Variants in TMPRSS4 observed in about 807,000 individuals in gnomAD.
TMPRSS4 encodes the protein transmembrane protease serine 4.
In TMPRSS4, 45 loss-of-function variants were observed where a neutral mutation model predicts 56.4. The ratio of observed to expected loss-of-function variants is 0.80; its 90% CI spans 0.63 to 1.02. The LOEUF (loss-of-function observed/expected upper bound fraction) is 1.02, where lower values mean the gene tolerates loss of function less well. TMPRSS4 is among the 50% of genes least tolerant of loss of function. The pLI is 0.00. For synonymous variants in TMPRSS4, 205 were observed against 211.0 expected (o/e 0.97, Z 0.25); for missense variants, 546 against 556.7 (o/e 0.98, Z 0.19).
rs1946905625 is a variant in TMPRSS4, at chr11:118,104,776, A to C, written c.396A>C (p.Thr132=). The C allele has an allele frequency of 1.2e-6, 2 of 1,613,764 alleles. No homozygotes were observed. Among genetic ancestry groups the C allele is most frequent in the East Asian group, 4.5e-5 (2 of 44,840 alleles). Residue 132 remains threonine (T), a synonymous_variant, in exon 5 of 13, where the codon ACA becomes ACC. Coordinates refer to ENST00000437212, the MANE Select transcript of TMPRSS4 (RefSeq NM_019894.4). ...TCTCTGCCTGTTTCGACAACTTCACAGAAGCTCTCGCTGAGACAGCCTGTA... is the reference window on the plus strand; with the variant it reads ...TCTCTGCCTGTTTCGACAACTTCACCGAAGCTCTCGCTGAGACAGCCTGTA... The part of the protein sequence containing the change: ...NWFSACFDNF[T]EALAETACRQ...
chr11:118,087,011 T>A (rs901929745), intron 1 of TMPRSS4: 3 of 143,238 alleles, frequency 2.1e-5, no homozygotes, highest in African/African-American at 7.9e-5. Flanking sequence ...CTCCCTTGGG[T>A]TTTCCCCACT....
rs78461491 is a variant in TMPRSS4 at position 118,094,194 on chromosome 11, G to A, written c.4-622G>A. Among the ~76,000 whole-genome samples the A allele has an allele frequency of 3.9e-3, 591 of 152,246 alleles. 7 individuals are homozygous for A. In the East Asian group the frequency reaches 0.053, roughly 14 times the overall value. The stretch of plus-strand genomic sequence containing the variant: ...TCAGAGAATCATAAAATACTTGTAC[G>A]TTTAGCATTAGTGGATTCAGCCAAA... On this transcript the variant is annotated intron_variant, in intron 1 of 12. Transcript: ENST00000437212.
intron 1 of TMPRSS4, among the ~76,000 whole-genome samples, chr11:118,093,825 C>CG (rs1555083613): frequency 2.7e-4 from 41 of 151,284 alleles, no homozygotes; most frequent in Non-Finnish European, 5.2e-4. Flanking sequence ...ACTGCCCCCC[C>CG]CAATGGTAAC....
rs771247188 is a variant in TMPRSS4, at chr11:118,115,209, G to A, written c.1081G>A (p.Ala361Thr). ...CAGCACACGGTGCAATGCAGACGAT[G>A]CGTACCAGGGGGAAGTCACCGAGAA... ...IDSTRCNADD[A>T]YQGEVTEKMM... Residue 361 changes from alanine to threonine, a missense_variant, in exon 11 of 13, where the codon GCG becomes ACG. Ala to Thr is a moderately conservative substitution (Grantham distance 58, BLOSUM62 0). Coordinates refer to ENST00000437212, the MANE Select transcript of TMPRSS4 (RefSeq NM_019894.4). The A allele has an allele frequency of 6.2e-7, 1 of 1,613,042 alleles. No homozygotes were observed. Among genetic ancestry groups the A allele is most frequent in the East Asian group, 2.2e-5 (1 of 44,876 alleles).
At chr11:118,123,757 C>A (rs1414872023), downstream of TMPRSS4, among the ~76,000 whole-genome samples, 2 of 152,072 alleles carry the variant, frequency 1.3e-5, no homozygotes, top group Non-Finnish European at 2.9e-5. Context: ...ATCTCCTGAC[C>A]TCGTGATCCG....
rs1338116442 is a variant in TMPRSS4, at chr11:118,121,794, T to G, written c.*3881T>G. The G allele has an allele frequency of 6.6e-6, 1 of 152,188 alleles. No homozygotes were observed. Among genetic ancestry groups the G allele is most frequent in the African/African-American group, 2.4e-5 (1 of 41,438 alleles). 9.4% of individuals were successfully genotyped at this position (152,188 alleles called of 1,614,324 possible). A position where few individuals can be genotyped will look rare whatever the true frequency, so the allele number is the denominator to read the frequency against. On this transcript the variant is annotated 3_prime_UTR_variant, in exon 13 of 13. Transcript: ENST00000437212. Reference sequence around the variant, plus strand: ...AATATAATACTAGCTAGTTAAAATTTGACCAAGAAGTTTCCATTGTGGGTT... The same window carrying G: ...AATATAATACTAGCTAGTTAAAATTGGACCAAGAAGTTTCCATTGTGGGTT...
chr11:118,079,483 C>T (rs891403667), intron 1 of TMPRSS4, among the ~76,000 whole-genome samples: 1 of 152,164 alleles, frequency 6.6e-6, no homozygotes, highest in Non-Finnish European at 1.5e-5. Context: ...GCCCTGTCCC[C>T]GAAGGAAATG....
intron 1 of TMPRSS4, among the ~76,000 whole-genome samples, chr11:118,083,387 C>T (rs546429644): frequency 6.6e-6 from 1 of 152,288 alleles, no homozygotes; most frequent in South Asian, 2.1e-4. Flanking sequence ...GACATCACCT[C>T]CGGTCCCAAC....
At chr11:118,090,030 A>C (rs1166416779) in intron 1 of TMPRSS4, among the ~76,000 whole-genome samples, 1 of 152,054 alleles carries the variant, frequency 6.6e-6, no homozygotes, top group Non-Finnish European at 1.5e-5. Context: ...TTTTTAGTAG[A>C]GACAGGGTTT....
chr11:118,119,041 G>A lies in TMPRSS4; in HGVS notation c.*1128G>A. On this transcript the variant is annotated 3_prime_UTR_variant, in exon 13 of 13. Coordinates refer to ENST00000437212, the MANE Select transcript of TMPRSS4 (RefSeq NM_019894.4). ...GTTTTCTGAGGACTGTCTTGCTATA[G>A]TTAAGTCAGATCCTAGATGAAATAT... 3 of 985,394 alleles carry A rather than the reference G, an allele frequency of 3.0e-6. No homozygotes were observed. Among genetic ancestry groups the A allele is most frequent in the Non-Finnish European group, 3.6e-6 (3 of 829,932 alleles). 61.0% of individuals were successfully genotyped at this position (985,394 alleles called of 1,614,324 possible).
Position 118,099,056 on chromosome 11 carries a change from G to A in TMPRSS4, c.115G>A (p.Ala39Thr), listed in dbSNP as rs769189268. 6 of 1,613,906 alleles carry A rather than the reference G, an allele frequency of 3.7e-6. No individual in the cohort carries two copies. The highest frequency in any genetic ancestry group is 2.7e-5 in the African/African-American group (2 of 74,950). The change falls in exon 3 of 13, where the codon GCA becomes ACA. Residue 39 changes from alanine (A) to threonine (T), a missense_variant. Physicochemically the swap from Ala to Thr is moderately conservative, Grantham distance 58 (BLOSUM62 0). Transcript: ENST00000437212. ...FRKVGIPIII[A>T]LLSLASIIIV... ...AAAGGTGGGGATCCCCATCATCATA[G>A]CACTACTGAGCCTGGCGAGTATCAT... is the stretch of plus-strand genomic sequence containing the variant.
chr11:118,086,664 C>G (rs930949397), intron 1 of TMPRSS4: 1 of 152,966 alleles, frequency 6.5e-6, no homozygotes, highest in Non-Finnish European at 1.5e-5. Flanking sequence ...CTCTGGGCTG[C>G]TGCATCACCA....
intron 1 of TMPRSS4, among the ~76,000 whole-genome samples, chr11:118,089,334 G>T (rs766478609): frequency 9.9e-5 from 15 of 152,184 alleles, no homozygotes; most frequent in Non-Finnish European, 2.1e-4. Flanking sequence ...AACAGTAAGG[G>T]CAGAGCATGG....
At chr11:118,105,411 A>T (rs1273836656) in intron 5 of TMPRSS4, among the ~76,000 whole-genome samples, 1 of 151,900 alleles carries the variant, frequency 6.6e-6, no homozygotes, top group Non-Finnish European at 1.5e-5. Context: ...AACCAAAAAG[A>T]TAGTTATTAT....
intron 8 of TMPRSS4, among the ~76,000 whole-genome samples, chr11:118,112,292 T>C (rs985758939): frequency 1.3e-5 from 2 of 150,516 alleles, no homozygotes; most frequent in Non-Finnish European, 2.9e-5. Flanking sequence ...CTGGAAACTT[T>C]AAAAAAATTA....
chr11:118,107,445 A>G, intron 5 of TMPRSS4: 1 of 190,076 alleles, frequency 5.3e-6, no homozygotes, highest in Non-Finnish European at 1.1e-5. Flanking sequence ...TTGCTGGGAT[A>G]TTTGAAATAG....
chr11:118,088,224 G>A (rs1319611209), intron 1 of TMPRSS4: 1 of 152,222 alleles, frequency 6.6e-6, no homozygotes, highest in South Asian at 2.1e-4. Flanking sequence ...TACTTGCTCC[G>A]AAGCCATAGC....
intron 11 of TMPRSS4, among the ~76,000 whole-genome samples, chr11:118,116,655 G>A (rs192677476): frequency 6.3e-4 from 95 of 151,490 alleles, no homozygotes; most frequent in African/African-American, 2.2e-3. Flanking sequence ...GCACAAAATA[G>A]GCACTCTATA....
chr11:118,124,099 A>G (rs1039821720), downstream of TMPRSS4, among the ~76,000 whole-genome samples: 44 of 152,112 alleles, frequency 2.9e-4, no homozygotes, highest in Admixed American at 5.2e-4. Context: ...AAAATACTTC[A>G]GGAGGGGCCA....
Sources: gnomAD v4.1 joint callset for allele counts (sites outside exome capture counted in the v4.1 genomes callset) on GRCh38, gnomAD v4.1.1 for gene constraint, MANE v1.5 for transcripts, NCBI Gene and HGNC (gene_info 2026-07-23, HGNC 2026-07-21) for gene names.